Variants in PTPRN2 observed in about 807,000 individuals in gnomAD.
The protein encoded by PTPRN2 is receptor-type tyrosine-protein phosphatase N2.
In PTPRN2, 74 loss-of-function variants were observed where a neutral mutation model predicts 118.8. That is an observed-to-expected ratio of 0.62 (90% CI 0.52 to 0.76). The LOEUF (loss-of-function observed/expected upper bound fraction) is 0.76, where lower values mean the gene tolerates loss of function less well. Among genes scored for constraint, PTPRN2 ranks in the 30% least tolerant of loss-of-function variants. The probability of loss-of-function intolerance (pLI) is 0.00; values close to 1 mark genes in which losing one functional copy is unlikely to be tolerated. For missense variants in PTPRN2, 1,481 were observed against 1,394.4 expected, an observed-to-expected ratio of 1.06 and a Z score of -0.99; for synonymous variants, 641 against 608.0, an observed-to-expected ratio of 1.05 and a Z score of -0.80.
intron 2 of PTPRN2, among the ~76,000 whole-genome samples, chr7:158,387,655 C>A (rs369235537): frequency 1.3e-5 from 1 of 74,972 alleles, no homozygotes; most frequent in African/African-American, 4.0e-5. Flanking sequence ...CGGTGGCCAC[C>A]ACCATCTGCT....
At chr7:158,317,745 AT>A (rs1802456871) in intron 2 of PTPRN2, among the ~76,000 whole-genome samples, 2 of 152,084 alleles carry the variant, frequency 1.3e-5, no homozygotes, top group South Asian at 4.2e-4. Flanking sequence ...GGTCTCTTTT[AT>A]TGTTCACTAG....
intron 12 of PTPRN2, among the ~76,000 whole-genome samples, chr7:157,843,077 G>A (rs1808552543): frequency 6.6e-6 from 1 of 152,098 alleles, no homozygotes; most frequent in Non-Finnish European, 1.5e-5. Flanking sequence ...ACTCTTGATA[G>A]CATAATATCT....
chr7:157,914,338 C>T (rs539069680), intron 11 of PTPRN2, among the ~76,000 whole-genome samples: 4 of 152,174 alleles, frequency 2.6e-5, no homozygotes, highest in South Asian at 2.1e-4. Context: ...AATCTGAGTA[C>T]TGGTGTCTTA....
chr7:158,320,452 C>T (rs548885661), intron 2 of PTPRN2, among the ~76,000 whole-genome samples: 18 of 150,706 alleles, frequency 1.2e-4, no homozygotes, highest in South Asian at 4.1e-4. Context: ...ATCAGCCTAA[C>T]GGTGGCCGTG....
intron 3 of PTPRN2, among the ~76,000 whole-genome samples, chr7:158,217,889 TA>T (rs1221328162): frequency 8.6e-5 from 13 of 151,422 alleles, no homozygotes; most frequent in African/African-American, 3.2e-4. Flanking sequence ...CAGACAAAAA[TA>T]AAGAAAAAAG....
Position 157,625,311 on chromosome 7 carries a change from T to C in PTPRN2, c.2197-3802A>G, listed in dbSNP as rs139411547. Among the ~76,000 whole-genome samples the C allele has an allele frequency of 6.6e-5, 10 of 152,346 alleles. 1 individual carries two copies. The highest frequency in any genetic ancestry group is 2.4e-4 in the African/African-American group (10 of 41,580). ...TTTATAGCAGCACAATTCACAGCTA[T>C]AAAATTGTGGAACAAACCCAAATGC... On this transcript the variant is annotated intron_variant, in intron 14 of 22. Transcript: ENST00000389418.
chr7:157,988,087 T>C (rs1244339111), intron 11 of PTPRN2, among the ~76,000 whole-genome samples: 3 of 152,178 alleles, frequency 2.0e-5, no homozygotes, highest in Non-Finnish European at 4.4e-5. Flanking sequence ...AGCTGCCTCA[T>C]GCAGACGGAG....
chr7:157,582,514 G>C (rs1800449026), intron 17 of PTPRN2, among the ~76,000 whole-genome samples: 1 of 152,144 alleles, frequency 6.6e-6, no homozygotes, highest in Non-Finnish European at 1.5e-5. Flanking sequence ...GTGTTGGAGA[G>C]GATGTGGAAG....
At chr7:157,778,738 A>G (rs1046303390) in intron 12 of PTPRN2, among the ~76,000 whole-genome samples, 1 of 151,956 alleles carries the variant, frequency 6.6e-6, no homozygotes, top group Non-Finnish European at 1.5e-5. Context: ...ACAGGTGCCG[A>G]ATGCCCACGT....
At chr7:157,795,056 T>C (rs920950530) in intron 12 of PTPRN2, among the ~76,000 whole-genome samples, 1 of 135,230 alleles carries the variant, frequency 7.4e-6, no homozygotes, top group African/African-American at 2.8e-5. Flanking sequence ...GGGGATGGGG[T>C]GGGGGTGTCA....
At chr7:158,454,395 G>A (rs373445688) in intron 2 of PTPRN2, among the ~76,000 whole-genome samples, 175 of 146,844 alleles carry the variant, frequency 1.2e-3, no homozygotes, top group African/African-American at 4.2e-3. Context: ...TGAGGATTGG[G>A]GACAGTTGTT....
At chr7:158,564,747 T>C (rs372736800) in intron 1 of PTPRN2, among the ~76,000 whole-genome samples, 25 of 152,358 alleles carry the variant, frequency 1.6e-4, no homozygotes, top group African/African-American at 5.5e-4. Flanking sequence ...AGGCAAAGAA[T>C]GCCAGTGGTA....
chr7:157,931,788 CG>C (rs1799373061), intron 11 of PTPRN2, among the ~76,000 whole-genome samples: 1 of 152,032 alleles, frequency 6.6e-6, no homozygotes, highest in African/African-American at 2.4e-5. Context: ...GTAGGAATTA[CG>C]GCTGCCGTGC....
At chr7:158,228,213 C>T (rs1828940728) in intron 3 of PTPRN2, among the ~76,000 whole-genome samples, 1 of 152,128 alleles carries the variant, frequency 6.6e-6, no homozygotes, top group Admixed American at 6.5e-5. Flanking sequence ...TCAACTTAGT[C>T]AATGACTGGG....
At chr7:157,724,165 T>C (rs898076051) in intron 12 of PTPRN2, among the ~76,000 whole-genome samples, 11 of 151,226 alleles carry the variant, frequency 7.3e-5, no homozygotes, top group Non-Finnish European at 1.3e-4. Context: ...CTCGTCTGAA[T>C]TGTGCTGGTG....
At position 157,695,272 on chromosome 7, in the gene PTPRN2, A is replaced by G. The variant is rs118108433; in HGVS notation, c.1789-12335T>C. Among the ~76,000 whole-genome samples, 77 of 152,274 alleles carry G rather than the reference A, an allele frequency of 5.1e-4. No homozygotes were observed. In the Middle Eastern group the frequency reaches 0.014, roughly 27 times the overall value. On this transcript the variant is annotated intron_variant, in intron 12 of 22. Coordinates refer to ENST00000389418, the MANE Select transcript of PTPRN2 (RefSeq NM_002847.5). ...ACATGATTATTATAAAGCAAAACACATATTTCAGGAATTTAAAATAATATG... is the reference window on the plus strand; with the variant it reads ...ACATGATTATTATAAAGCAAAACACGTATTTCAGGAATTTAAAATAATATG...
At chr7:158,275,214 C>T (rs369006948) in intron 3 of PTPRN2, among the ~76,000 whole-genome samples, 6 of 152,058 alleles carry the variant, frequency 3.9e-5, no homozygotes, top group South Asian at 2.1e-4. Context: ...GTGGGGACAG[C>T]GCCTCGGGGC....
intron 11 of PTPRN2, among the ~76,000 whole-genome samples, chr7:158,047,255 G>A (rs1808947465): frequency 6.6e-6 from 1 of 152,252 alleles, no homozygotes; most frequent in Non-Finnish European, 1.5e-5. Context: ...AAAAAGCCAG[G>A]CTGGAGCCCA....
chr7:157,945,953 C>A (rs1414351482), intron 11 of PTPRN2, among the ~76,000 whole-genome samples: 2 of 152,072 alleles, frequency 1.3e-5, no homozygotes, highest in East Asian at 3.9e-4. Flanking sequence ...TTGCTGGGCC[C>A]AGTCCAGGTT....
Sources: gnomAD v4.1 joint callset for allele counts (sites outside exome capture counted in the v4.1 genomes callset) on GRCh38, gnomAD v4.1.1 for gene constraint, MANE v1.5 for transcripts, NCBI Gene and HGNC (gene_info 2026-07-23, HGNC 2026-07-21) for gene names.